The following ZNF564 variants were observed in gnomAD, a reference collection of about 807,000 sequenced individuals.
ZNF564 encodes zinc finger protein 564.
ZNF564 carries 5 observed loss-of-function variants against 10.5 expected under a neutral mutation model. The observed-to-expected ratio is 0.48, with a 90% confidence interval of 0.25 to 1.00. The LOEUF (loss-of-function observed/expected upper bound fraction) is 1.00. ZNF564 is among the 50% of genes least tolerant of loss of function. ZNF564 has a pLI of 0.16. For synonymous variants in ZNF564, 242 were observed against 218.1 expected (o/e 1.11, Z -0.97); for missense variants, 603 against 669.7 (o/e 0.90, Z 1.10).
intron 1 of ZNF564, among the ~76,000 whole-genome samples, chr19:12,544,287 G>A (rs1016076669): frequency 3.0e-5 from 4 of 133,784 alleles, no homozygotes; most frequent in Non-Finnish European, 6.0e-5. Context: ...GGTATGGTCA[G>A]TCAGGGACAG....
chr19:12,537,738 C>CAAAAAA (rs56173239), intron 1 of ZNF564, among the ~76,000 whole-genome samples: 1 of 114,556 alleles, frequency 8.7e-6, no homozygotes, highest in Non-Finnish European at 1.7e-5. Flanking sequence ...AACTCCGTCT[C>CAAAAAA]AAAAAAAAAA....
chr19:12,551,289 C>T, intron 1 of ZNF564, 41 bp downstream of exon 1: 1 of 1,596,854 alleles, frequency 6.3e-7, no homozygotes, highest in Non-Finnish European at 8.5e-7. Context: ...TTCCCACAAG[C>T]CCCTCCCCCA....
At chr19:12,545,223 T>C (rs1428351912) in intron 1 of ZNF564, among the ~76,000 whole-genome samples, 11 of 146,794 alleles carry the variant, frequency 7.5e-5, no homozygotes, top group East Asian at 6.0e-4. Context: ...GATCGCACCA[T>C]TGCACTCCAG....
At chr19:12,546,895 C>G (rs2022166214) in intron 1 of ZNF564, among the ~76,000 whole-genome samples, 1 of 152,178 alleles carries the variant, frequency 6.6e-6, no homozygotes, top group Non-Finnish European at 1.5e-5. Flanking sequence ...TTGACCCATC[C>G]TCCACAGCCT....
At chr19:12,533,235 G>A (rs559261416) in intron 1 of ZNF564, among the ~76,000 whole-genome samples, 91 of 152,148 alleles carry the variant, frequency 6.0e-4, no homozygotes, top group African/African-American at 2.1e-3. Context: ...AATCTTTAGA[G>A]ATTAAACAAC....
rs1007804571 is a variant in ZNF564, at chr19:12,527,464, T to C, written c.644A>G (p.His215Arg). 1.9e-6 allele frequency: 3 copies of C among 1,614,158 alleles called. No individual in the cohort carries two copies. The highest frequency in any genetic ancestry group is 2.5e-6 in the Non-Finnish European group (3 of 1,179,996). The change falls in exon 4 of 4, where the codon CAT (histidine) becomes CGT (arginine). Residue 215 changes from histidine to arginine, a missense_variant. By Grantham distance (29) the His-to-Arg change is conservative. Transcript: ENST00000339282. ...TTTCTCTCCAGTGTGAGTTCTTTCA[T>C]GTATCTGAAATAAACTTGGGCGATC... ...AFDRPSLFQIHERTHTGEKPY... is the reference protein window; with the variant it reads ...AFDRPSLFQIRERTHTGEKPY...
chr19:12,528,990 G>A (rs1273175400), intron 1 of ZNF564, among the ~76,000 whole-genome samples: 3 of 152,170 alleles, frequency 2.0e-5, no homozygotes, highest in Non-Finnish European at 4.4e-5. Flanking sequence ...GCTTAAACAA[G>A]GGAGGCAGAG....
chr19:12,540,422 T>C (rs1391703952), intron 1 of ZNF564, among the ~76,000 whole-genome samples: 2 of 152,154 alleles, frequency 1.3e-5, no homozygotes, highest in African/African-American at 4.8e-5. Context: ...GAAGTCAACA[T>C]TTAAAAGAGA....
chr19:12,538,944 T>G (rs1186666309), intron 1 of ZNF564, among the ~76,000 whole-genome samples: 2 of 151,812 alleles, frequency 1.3e-5, no homozygotes, highest in Non-Finnish European at 2.9e-5. Flanking sequence ...ATAGGGGAGG[T>G]AGGCCAGGCG....
chr19:12,540,045 G>A (rs764911512), intron 1 of ZNF564, among the ~76,000 whole-genome samples: 13 of 151,928 alleles, frequency 8.6e-5, no homozygotes, highest in South Asian at 6.2e-4. Context: ...TGCCACTTGC[G>A]TAAGATTCAT....
intron 1 of ZNF564, among the ~76,000 whole-genome samples, chr19:12,546,807 TCA>T (rs2022163598): frequency 6.6e-6 from 1 of 152,122 alleles, no homozygotes; most frequent in African/African-American, 2.4e-5. Context: ...AGTTTTGTCT[TCA>T]CTGATCAGTC....
chr19:12,543,306 A>G (rs1468008771), intron 1 of ZNF564, among the ~76,000 whole-genome samples: 1 of 149,314 alleles, frequency 6.7e-6, no homozygotes, highest in Non-Finnish European at 1.5e-5. Context: ...CGTCTCAGAA[A>G]AAAAAAAAAA....
At chr19:12,547,811 CTTTTTTTTT>C (rs553349695) in intron 1 of ZNF564, among the ~76,000 whole-genome samples, 2 of 139,954 alleles carry the variant, frequency 1.4e-5, no homozygotes, top group African/African-American at 5.3e-5. Context: ...TATTCACTTA[CTTTTTTTTT>C]TTTTTTTTGA....
At chr19:12,541,565 A>C (rs2022050055) in intron 1 of ZNF564, 1 of 151,852 alleles carries the variant, frequency 6.6e-6, no homozygotes, top group African/African-American at 2.4e-5. Context: ...GAAAAAAAAA[A>C]TCAAATTAGG....
chr19:12,534,242 T>C (rs1045815923), intron 1 of ZNF564, among the ~76,000 whole-genome samples: 1 of 152,134 alleles, frequency 6.6e-6, no homozygotes, highest in Non-Finnish European at 1.5e-5. Flanking sequence ...TATATCGATT[T>C]AGAAGGAAGA....
Position 12,527,110 on chromosome 19 carries a change from C to A in ZNF564, c.998G>T (p.Gly333Val). ...TTTATTACATTCATAGGGTTTCTCC[C>A]CAGTATGAGTTCTTTCATGCTTTCG... ...YVRKHERTHT[G>V]EKPYECNKCG... is the part of the protein sequence containing the mutation. The change falls in exon 4 of 4, where the codon GGG becomes GTG. Residue 333 changes from glycine to valine, a missense_variant. Gly to Val is a moderately radical substitution (Grantham distance 109). Transcript: ENST00000339282. The A allele has an allele frequency of 6.2e-7, 1 of 1,614,058 alleles. No homozygotes were observed. The highest frequency in any genetic ancestry group is 1.3e-5 in the African/African-American group (1 of 74,982).
intron 1 of ZNF564, among the ~76,000 whole-genome samples, chr19:12,537,030 T>C (rs988303857): frequency 1.3e-5 from 2 of 152,198 alleles, no homozygotes; most frequent in African/African-American, 4.8e-5. Flanking sequence ...TCGGTCTCTA[T>C]AGATTTTCCT....
chr19:12,548,053 C>T, intron 1 of ZNF564: 1 of 527,182 alleles, frequency 1.9e-6, no homozygotes, highest in Non-Finnish European at 2.4e-6. Flanking sequence ...GGTGATCCAC[C>T]CACCTCAGCC....
At chr19:12,541,019 AG>A in intron 1 of ZNF564, among the ~76,000 whole-genome samples, 1 of 147,842 alleles carries the variant, frequency 6.8e-6, no homozygotes, top group East Asian at 2.0e-4. Context: ...AAAAAAAAAA[AG>A]ACAGCATAGC....
Sources: allele counts gnomAD v4.1 joint callset (sites outside exome capture counted in the v4.1 genomes callset), GRCh38; gene constraint gnomAD v4.1.1; transcripts MANE v1.5; gene names NCBI Gene and HGNC (gene_info 2026-07-23, HGNC 2026-07-21).